SPSB4: variants seen among roughly 807,000 people sequenced by gnomAD.
SPSB4 encodes the protein SPRY domain-containing SOCS box protein 4.
A neutral mutation model predicts 20.9 loss-of-function variants in SPSB4; 21 were observed. That is an observed-to-expected ratio of 1.01 (90% CI 0.71 to 1.45). The LOEUF is 1.45. Among genes scored for constraint, SPSB4 ranks in the 40% most tolerant of loss-of-function variants. SPSB4 has a pLI of 0.00. For synonymous variants in SPSB4, 207 were observed against 183.8 expected (o/e 1.13, Z -1.02); for missense variants, 399 against 399.2 (o/e 1.00, Z 0.00).
At chr3:141,138,203 C>T (rs952626142) in intron 2 of SPSB4, among the ~76,000 whole-genome samples, 2 of 152,080 alleles carry the variant, frequency 1.3e-5, no homozygotes, top group Non-Finnish European at 2.9e-5. Context: ...TTTATTATTG[C>T]ATCTATTTGA....
intron 2 of SPSB4, among the ~76,000 whole-genome samples, chr3:141,111,751 G>A (rs562203232): frequency 6.6e-6 from 1 of 152,168 alleles, no homozygotes; most frequent in African/African-American, 2.4e-5. Flanking sequence ...TTGGGTCCTC[G>A]GAAAAAGACA....
intron 2 of SPSB4, among the ~76,000 whole-genome samples, chr3:141,075,668 CA>C (rs1293472411): frequency 6.6e-6 from 1 of 152,044 alleles, no homozygotes; most frequent in Non-Finnish European, 1.5e-5. Flanking sequence ...TAACACAGAT[CA>C]AGGGCCCCCA....
chr3:141,063,177 G>A (rs1323306428), intron 1 of SPSB4, among the ~76,000 whole-genome samples: 1 of 152,168 alleles, frequency 6.6e-6, no homozygotes, highest in African/African-American at 2.4e-5. Context: ...AGATTACAGT[G>A]CCTGCTTAGT....
intron 2 of SPSB4, among the ~76,000 whole-genome samples, chr3:141,088,889 C>T (rs920180228): frequency 2.0e-5 from 3 of 152,200 alleles, no homozygotes; most frequent in African/African-American, 7.2e-5. Flanking sequence ...CAAACCAAGG[C>T]CCAATCTGAC....
At chr3:141,063,695 T>G (rs1188461893) in intron 1 of SPSB4, among the ~76,000 whole-genome samples, 1 of 152,254 alleles carries the variant, frequency 6.6e-6, no homozygotes, top group Non-Finnish European at 1.5e-5. Context: ...TTTGTCCTGT[T>G]CGTTTATTCC....
rs545999643 is a variant in SPSB4, at chr3:141,056,450, CA to C, written c.-154+4463del. Among the ~76,000 whole-genome samples, 433 of 152,290 alleles carry C rather than the reference CA, an allele frequency of 2.8e-3. 1 individual carries two copies. Among genetic ancestry groups the C allele is most frequent in the Middle Eastern group, 0.014 (4 of 294 alleles). Reference sequence around the variant, plus strand: ...CTCTCTCCTTTCCTCCTTAGTATCTCAAAAATGCCCCCAGAGATACTGTAGG... The same window carrying C: ...CTCTCTCCTTTCCTCCTTAGTATCTCAAAATGCCCCCAGAGATACTGTAGG... On this transcript the variant is annotated intron_variant, in intron 1 of 2. Transcript: ENST00000310546.
intron 2 of SPSB4, among the ~76,000 whole-genome samples, chr3:141,134,035 C>CTTTTTTTTTTTTTTTTTTTTTTTTT (rs1348749217): frequency 8.8e-4 from 41 of 46,706 alleles, no homozygotes; most frequent in Middle Eastern, 0.011. Flanking sequence ...TTTTTCTTTT[C>CTTTTTTTTTTTTTTTTTTTTTTTTT]TTTTTTTTTT....
At chr3:141,118,846 C>G (rs980609265) in intron 2 of SPSB4, among the ~76,000 whole-genome samples, 1 of 152,128 alleles carries the variant, frequency 6.6e-6, no homozygotes, top group Non-Finnish European at 1.5e-5. Flanking sequence ...TTCCATTGAT[C>G]TATATATCTG....
intron 2 of SPSB4, among the ~76,000 whole-genome samples, chr3:141,127,595 A>G (rs1169268304): frequency 6.6e-6 from 1 of 152,064 alleles, no homozygotes; most frequent in South Asian, 2.1e-4. Flanking sequence ...ATCAAATCTA[A>G]TTTGATTTGG....
chr3:141,069,025 G>T (rs574794005), intron 2 of SPSB4, among the ~76,000 whole-genome samples: 1 of 152,174 alleles, frequency 6.6e-6, no homozygotes, highest in Non-Finnish European at 1.5e-5. Flanking sequence ...GATTTTTCAG[G>T]TTGGCTGAAT....
At chr3:141,146,783 A>AAT (rs1191838587) in intron 2 of SPSB4, among the ~76,000 whole-genome samples, 1 of 152,052 alleles carries the variant, frequency 6.6e-6, no homozygotes, top group Non-Finnish European at 1.5e-5. Flanking sequence ...AAAAAAAAAA[A>AAT]AAAAAGACAC....
At chr3:141,062,662 A>T (rs1462851259) in intron 1 of SPSB4, among the ~76,000 whole-genome samples, 2 of 152,190 alleles carry the variant, frequency 1.3e-5, no homozygotes, top group Non-Finnish European at 2.9e-5. Context: ...AGTTGTTTAA[A>T]GAATTTTTTA....
chr3:141,085,421 CT>C (rs749439986), intron 2 of SPSB4, among the ~76,000 whole-genome samples: 2 of 152,200 alleles, frequency 1.3e-5, no homozygotes, highest in Non-Finnish European at 2.9e-5. Flanking sequence ...ACCTTCCTAC[CT>C]TGTGGCTTCC....
At chr3:141,126,704 G>A (rs1465508463) in intron 2 of SPSB4, among the ~76,000 whole-genome samples, 3 of 152,266 alleles carry the variant, frequency 2.0e-5, no homozygotes, top group South Asian at 2.1e-4. Context: ...CCTTTAATTC[G>A]CACAAGCACC....
At chr3:141,134,056 C>CTTTTT (rs1222303281) in intron 2 of SPSB4, among the ~76,000 whole-genome samples, 4 of 61,632 alleles carry the variant, frequency 6.5e-5, no homozygotes, top group African/African-American at 1.4e-4. Context: ...TTTCTTTTTT[C>CTTTTT]TTTTTTTTTT....
chr3:141,065,758 A>C (rs1190782656), intron 1 of SPSB4, among the ~76,000 whole-genome samples, 194 bp from the exon 2 acceptor site: 1 of 152,250 alleles, frequency 6.6e-6, no homozygotes, highest in Non-Finnish European at 1.5e-5. Flanking sequence ...TTAAGGATTA[A>C]ACAAACTAAT....
At chr3:141,064,340 G>A (rs752063987) in intron 1 of SPSB4, among the ~76,000 whole-genome samples, 1 of 152,150 alleles carries the variant, frequency 6.6e-6, no homozygotes, top group Non-Finnish European at 1.5e-5. Context: ...CCTGGATTTT[G>A]GGTGATTTCG....
chr3:141,107,592 T>G (rs1385568712), intron 2 of SPSB4, among the ~76,000 whole-genome samples: 1 of 152,346 alleles, frequency 6.6e-6, no homozygotes, highest in Admixed American at 6.5e-5. Flanking sequence ...CTGTCTTGCA[T>G]GTGAATATCA....
intron 2 of SPSB4, among the ~76,000 whole-genome samples, chr3:141,109,560 C>T (rs1938760640): frequency 6.6e-6 from 1 of 152,084 alleles, no homozygotes; most frequent in African/African-American, 2.4e-5. Flanking sequence ...TTTTTCATAG[C>T]CATTACAGGC....
Sources: allele counts gnomAD v4.1 joint callset (sites outside exome capture counted in the v4.1 genomes callset), GRCh38; gene constraint gnomAD v4.1.1; transcripts MANE v1.5; gene names NCBI Gene and HGNC (gene_info 2026-07-23, HGNC 2026-07-21).